KDM2B: variants seen among roughly 807,000 people sequenced by gnomAD.
KDM2B encodes lysine demethylase 2B.
KDM2B carries 26 observed loss-of-function variants against 150.0 expected under a neutral mutation model. That is an observed-to-expected ratio of 0.17 (90% CI 0.13 to 0.24). KDM2B has a LOEUF of 0.24. Ranked by LOEUF, KDM2B falls within the 10% of genes least tolerant of loss-of-function variation. KDM2B has a pLI of 1.00. For missense variants in KDM2B, 1,265 were observed against 1,816.9 expected, an observed-to-expected ratio of 0.70 and a Z score of 5.52; for synonymous variants, 734 against 729.5, an observed-to-expected ratio of 1.01 and a Z score of -0.10.
In KDM2B at chr12:121,429,863, A is replaced by G. The variant is rs1872738576; in HGVS notation, c.*425T>C. 9 of 570,268 alleles carry G rather than the reference A, an allele frequency of 1.6e-5. No homozygotes were observed. Among genetic ancestry groups the G allele is most frequent in the Non-Finnish European group, 3.1e-6 (1 of 321,264 alleles). 35.3% of individuals were successfully genotyped at this position (570,268 alleles called of 1,614,324 possible). On this transcript the variant is annotated 3_prime_UTR_variant, in exon 23 of 23. Transcript: ENST00000377071. ...TAACAAAACCAACCAAACAAAAAAA[A>G]GTGTCAAGACGGCAGCAGATGTGGT...
chr12:121,418,214 AAGT>A, the KDM2B span: 6 of 333,962 alleles, frequency 1.8e-5, no homozygotes, highest in African/African-American at 4.2e-5. Flanking sequence ...GGCTGTGAAA[AAGT>A]AGCACATACA....
Position 121,575,133 on chromosome 12 carries a change from A to C in KDM2B, c.351-540T>G, listed in dbSNP as rs1891416617. ...TGCCCAAGGTTTAAATCCTACTCAC[A>C]GGGATGGACTCTTGAGCAAGTCTGG... is the stretch of plus-strand genomic sequence containing the variant. On this transcript the variant is annotated intron_variant, in intron 3 of 22. Coordinates refer to ENST00000377071, the MANE Select transcript of KDM2B (RefSeq NM_032590.5). The surrounding 1 kb of genome is among the most constrained non-coding windows in gnomAD (Gnocchi z 4.4). Among the ~76,000 whole-genome samples, 1 of 152,234 alleles carries C rather than the reference A, an allele frequency of 6.6e-6. No homozygotes were observed. The highest frequency in any genetic ancestry group is 1.5e-5 in the Non-Finnish European group (1 of 68,040).
At chr12:121,418,427 A>G in the KDM2B span, 1 of 154,188 alleles carries the variant, frequency 6.5e-6, no homozygotes, top group Admixed American at 6.4e-5. Context: ...AGGTCCTTGG[A>G]CATCCTGATT....
At chr12:121,420,489 G>T in the KDM2B span, 1 of 1,573,170 alleles carries the variant, frequency 6.4e-7, no homozygotes, top group South Asian at 1.1e-5. Flanking sequence ...TGAGATGGCT[G>T]GGAGAATATT....
intron 4 of KDM2B, among the ~76,000 whole-genome samples, chr12:121,559,419 C>G (rs1426052726): frequency 2.0e-5 from 3 of 152,134 alleles, no homozygotes; most frequent in African/African-American, 7.2e-5. Flanking sequence ...CGGACCTCCC[C>G]TCCCCCAGGG....
chr12:121,464,670 C>T (rs997647502), intron 12 of KDM2B, among the ~76,000 whole-genome samples: 2 of 152,318 alleles, frequency 1.3e-5, no homozygotes, highest in Non-Finnish European at 2.9e-5. Context: ...GGCCTCCCTC[C>T]GACGGGTCCT....
At position 121,509,724 on chromosome 12, in the gene KDM2B, G is replaced by C. The variant is rs781889965; in HGVS notation, c.1490C>G (p.Ser497Cys). ...TTTGGCAGAGACCTCCGTGGCGGGA[G>C]AGCCGGTGGGGGTCTTGGGGTAGTC... Reference protein sequence around the residue: ...AVDYPKTPTGSPATEVSAKWT... With the variant: ...AVDYPKTPTGCPATEVSAKWT... The change falls in exon 11 of 23, where the codon TCT becomes TGT. Residue 497 changes from serine (S) to cysteine (C), a missense_variant. Around this residue, in one of 11 missense-constraint regions of KDM2B, gnomAD observed 154 missense variants for 162.5 expected, o/e 0.95. Transcript: ENST00000377071. 6.2e-7 allele frequency: 1 copy of C among 1,614,152 alleles called. No individual in the cohort carries two copies. The highest frequency in any genetic ancestry group is 1.3e-5 in the African/African-American group (1 of 75,054).
chr12:121,466,275 C>T (rs1879901088), intron 12 of KDM2B, among the ~76,000 whole-genome samples: 1 of 152,214 alleles, frequency 6.6e-6, no homozygotes, highest in Non-Finnish European at 1.5e-5. Context: ...CTTAATTCCT[C>T]GGACAGGTCT....
chr12:121,494,346 C>T, intron 12 of KDM2B: 1 of 463,294 alleles, frequency 2.2e-6, no homozygotes, highest in Admixed American at 4.0e-5. Context: ...TCAGCACCCC[C>T]CAGTTTTCCA....
chr12:121,420,683 G>A, the KDM2B span: 43 of 1,613,916 alleles, frequency 2.7e-5, no homozygotes, highest in East Asian at 1.1e-4. Context: ...ATTCTGGCTC[G>A]GAATTTTGTC....
chr12:121,522,864 G>T (rs1886812630), intron 8 of KDM2B, among the ~76,000 whole-genome samples: 1 of 152,198 alleles, frequency 6.6e-6, no homozygotes, highest in Admixed American at 6.5e-5. Context: ...TATGGATGAG[G>T]AAAGTGAGGC....
intron 13 of KDM2B, among the ~76,000 whole-genome samples, chr12:121,447,109 A>G (rs114588143): frequency 0.026 from 4,000 of 152,306 alleles, 170 homozygotes; most frequent in African/African-American, 0.088. Flanking sequence ...CACAGTTATC[A>G]AAAAGGCTAT....
intron 4 of KDM2B, among the ~76,000 whole-genome samples, chr12:121,562,449 A>T (rs1336742666): frequency 6.6e-6 from 1 of 152,010 alleles, no homozygotes; most frequent in African/African-American, 2.4e-5. Flanking sequence ...GGGTCACTGT[A>T]CTCCAGCCTG....
intron 1 of KDM2B, 39 bp downstream of exon 1, chr12:121,580,747 C>G: frequency 6.2e-7 from 1 of 1,610,260 alleles, no homozygotes; most frequent in Non-Finnish European, 8.5e-7. Context: ...AGGGCTACCC[C>G]TCTTCCTCTT....
At position 121,513,464 on chromosome 12, in the gene KDM2B, A is replaced by T. The variant is rs1316757898; in HGVS notation, c.1048-62T>A. On this transcript the variant is annotated intron_variant, in intron 9 of 22. Transcript: ENST00000377071. The surrounding 1 kb of genome is among the most constrained non-coding windows in gnomAD (Gnocchi z 5.0). ...CCAGAGGGCGAAGGGGGAAGGAGGG[A>T]GAGAAGTGCGGGGCAGGCTCCCTGC... 41 of 1,585,412 alleles carry T rather than the reference A, an allele frequency of 2.6e-5. No homozygotes were observed. Among genetic ancestry groups the T allele is most frequent in the Non-Finnish European group, 3.4e-5 (39 of 1,157,970 alleles).
chr12:121,413,810 C>T, the KDM2B span, among the ~76,000 whole-genome samples: 1 of 151,556 alleles, frequency 6.6e-6, no homozygotes, highest in African/African-American at 2.4e-5. Flanking sequence ...CTCCTGATCT[C>T]GTGATCCACC....
chr12:121,561,615 C>A (rs1318024879), intron 4 of KDM2B, among the ~76,000 whole-genome samples: 2 of 152,242 alleles, frequency 1.3e-5, no homozygotes, highest in East Asian at 3.9e-4. Context: ...CTCATGAGAT[C>A]CAACTCAATG....
Position 121,452,821 on chromosome 12 carries a change from G to GCCCAGAACCGTCA in KDM2B, c.1959+286_1959+298dup, listed in dbSNP as rs1226641913. On this transcript the variant is annotated intron_variant, in intron 13 of 22. Coordinates refer to ENST00000377071, the MANE Select transcript of KDM2B (RefSeq NM_032590.5). The surrounding 1 kb of genome is among the most constrained non-coding windows in gnomAD (Gnocchi z 4.4). ...CAGGGCCGGAAGGAAGGAAGGAAGG[G>GCCCAGAACCGTCA]CCCAGAACCGTCACCCAGAACCGTA... 6.6e-6 allele frequency among the ~76,000 whole-genome samples: 1 copy of GCCCAGAACCGTCA among 152,204 alleles called. No homozygotes were observed. The highest frequency in any genetic ancestry group is 6.5e-5 in the Admixed American group (1 of 15,290).
intron 8 of KDM2B, among the ~76,000 whole-genome samples, chr12:121,522,314 G>A (rs917693924): frequency 2.0e-5 from 3 of 151,314 alleles, no homozygotes; most frequent in Admixed American, 6.6e-5. Flanking sequence ...TCGGGAGTTC[G>A]AGACCAGCCT....
Sources: allele counts gnomAD v4.1 joint callset (sites outside exome capture counted in the v4.1 genomes callset), GRCh38; gene constraint gnomAD v4.1.1; regional missense constraint gnomAD v4.1.1; non-coding constraint Gnocchi (gnomAD v3.1); transcripts MANE v1.5; gene names NCBI Gene and HGNC (gene_info 2026-07-23, HGNC 2026-07-21).